The following COPZ2 variants were observed in gnomAD, a reference collection of about 807,000 sequenced individuals.
The protein encoded by COPZ2 is coat protein complex I subunit zeta 2.
In COPZ2, 30 loss-of-function variants were observed where a neutral mutation model predicts 33.2. That is an observed-to-expected ratio of 0.90 (90% CI 0.68 to 1.23). The LOEUF is 1.23. Among genes scored for constraint, COPZ2 ranks in the 50% most tolerant of loss-of-function variants. COPZ2 has a pLI of 0.00. For missense variants in COPZ2, 263 were observed against 262.4 expected (o/e 1.00, Z -0.02); for synonymous variants, 89 against 102.6 (o/e 0.87, Z 0.80).
chr17:48,039,584 C>T (rs979442650), upstream of COPZ2, among the ~76,000 whole-genome samples: 3 of 152,122 alleles, frequency 2.0e-5, no homozygotes, highest in Non-Finnish European at 2.9e-5. Context: ...TGGTCTTGAA[C>T]GCCTAGGCTC....
chr17:48,047,509 G>A, the COPZ2 span: 13 of 152,144 alleles, frequency 8.5e-5, no homozygotes, highest in African/African-American at 3.1e-4. Context: ...TGGGACTGGA[G>A]AAATTAAAAA....
the COPZ2 span, among the ~76,000 whole-genome samples, chr17:48,044,867 A>G: frequency 6.6e-6 from 1 of 152,242 alleles, no homozygotes; most frequent in Non-Finnish European, 1.5e-5. Flanking sequence ...ATCTCAGGCA[A>G]TCATCTATCT....
chr17:48,041,808 A>ATT (rs34673033), upstream of COPZ2, among the ~76,000 whole-genome samples: 33 of 141,974 alleles, frequency 2.3e-4, no homozygotes, highest in African/African-American at 7.7e-4. Context: ...GAGCTAGTCC[A>ATT]TTTTTTTTTT....
At chr17:48,041,974 T>C (rs1471637204), upstream of COPZ2, among the ~76,000 whole-genome samples, 1 of 151,482 alleles carries the variant, frequency 6.6e-6, no homozygotes, top group African/African-American at 2.4e-5. Context: ...GCTGGCTCCA[T>C]AGGGGAGGTG....
At position 48,037,001 on chromosome 17, in the gene COPZ2, C is replaced by A; in HGVS notation, c.112-76G>T. The A allele has an allele frequency of 7.7e-7, 1 of 1,292,986 alleles. No homozygotes were observed. Among genetic ancestry groups the A allele is most frequent in the South Asian group, 1.2e-5 (1 of 83,496 alleles). The allele number at this position is 1,292,986 out of a possible 1,614,324, so 80.1% of individuals were successfully genotyped here. Reference sequence around the variant, plus strand: ...CCTGTGTCTATGGGATCTGCTGGCCCTAGGATACATCCTCAGGCCCCAGCA... The same window carrying A: ...CCTGTGTCTATGGGATCTGCTGGCCATAGGATACATCCTCAGGCCCCAGCA... On this transcript the variant is annotated intron_variant, in intron 1 of 8. Coordinates refer to ENST00000621465, the MANE Select transcript of COPZ2 (RefSeq NM_016429.4). This position sits in a 1 kb window ranked among gnomAD's most constrained non-coding sequence, Gnocchi z 5.6.
At chr17:48,045,366 C>G in the COPZ2 span, 1 of 152,236 alleles carries the variant, frequency 6.6e-6, no homozygotes, top group Admixed American at 6.5e-5. Flanking sequence ...AATCAGAGCC[C>G]CAGCCAGCCT....
chr17:48,034,339 C>G (rs1431346032), intron 2 of COPZ2, among the ~76,000 whole-genome samples: 1 of 152,180 alleles, frequency 6.6e-6, no homozygotes, highest in African/African-American at 2.4e-5. Context: ...CTCCCGACCT[C>G]AGGTGATCTG....
intron 6 of COPZ2, 29 bp from the exon 7 acceptor site, chr17:48,029,205 C>T (rs1280304482): frequency 1.3e-6 from 2 of 1,557,454 alleles, no homozygotes; most frequent in South Asian, 2.4e-5. Flanking sequence ...AACCAGGAGG[C>T]AAATCAGTGG....
intron 8 of COPZ2, among the ~76,000 whole-genome samples, 176 bp from the exon 9 acceptor site, chr17:48,026,651 C>T (rs1205539071): frequency 6.6e-6 from 1 of 152,226 alleles, no homozygotes; most frequent in Non-Finnish European, 1.5e-5. Flanking sequence ...AGTCAGAAAG[C>T]GCAGACCAAA....
At chr17:48,040,987 T>C (rs1464846877), upstream of COPZ2, among the ~76,000 whole-genome samples, 1 of 151,512 alleles carries the variant, frequency 6.6e-6, no homozygotes, top group East Asian at 2.0e-4. Context: ...CTGATTCTAC[T>C]AAAAACACAC....
the COPZ2 span, among the ~76,000 whole-genome samples, chr17:48,044,401 T>C: frequency 2.2e-5 from 3 of 136,512 alleles, no homozygotes; most frequent in Admixed American, 1.5e-4. Context: ...CACAATCTTT[T>C]GCTTTTTTTT....
chr17:48,033,787 G>A (rs1052840429), intron 3 of COPZ2, 76 bp downstream of exon 3: 2 of 1,161,948 alleles, frequency 1.7e-6, no homozygotes, highest in African/African-American at 3.0e-5. Context: ...CAAGGCTGAT[G>A]GGGACAGATG....
chr17:48,029,196 A>C lies in COPZ2; in HGVS notation c.495-20T>G. On this transcript the variant is annotated intron_variant, in intron 6 of 8. Coordinates refer to ENST00000621465, the MANE Select transcript of COPZ2 (RefSeq NM_016429.4). ...ATCACACTACAAGATGAGAGGAAAA[A>C]CCAGGAGGCAAATCAGTGGCACAAT... is the stretch of plus-strand genomic sequence containing the variant. 6.4e-7 allele frequency: 1 copy of C among 1,563,080 alleles called. No homozygotes were observed. Among genetic ancestry groups the C allele is most frequent in the Non-Finnish European group, 8.7e-7 (1 of 1,153,816 alleles).
At chr17:48,035,589 GTTTTGTTTTGTT>G (rs1057182320) in intron 2 of COPZ2, among the ~76,000 whole-genome samples, 2 of 151,730 alleles carry the variant, frequency 1.3e-5, no homozygotes, top group African/African-American at 4.8e-5. Flanking sequence ...TTTTGTTTTT[GTTTTGTTTTGTT>G]TTTTGTAGAG....
chr17:48,043,588 A>G, the COPZ2 span: 2 of 984,802 alleles, frequency 2.0e-6, no homozygotes, highest in African/African-American at 3.5e-5. Context: ...CATTCTAAGG[A>G]CAGCTCTCAT....
chr17:48,037,602 CT>C lies in COPZ2; in HGVS notation c.111+64del, dbSNP rs2037009254. 3 of 1,058,042 alleles carry C rather than the reference CT, an allele frequency of 2.8e-6. No homozygotes were observed. The highest frequency in any genetic ancestry group is 2.3e-6 in the Non-Finnish European group (2 of 874,314). The allele number at this position is 1,058,042 out of a possible 1,614,324, so 65.5% of individuals were successfully genotyped here. ...GCGAGTTCTGAGTTGGCTGCTCCCC[CT>C]AACCCTGCTCTGTCCCTGCCCAGCT... On this transcript the variant is annotated intron_variant, in intron 1 of 8. Coordinates refer to ENST00000621465, the MANE Select transcript of COPZ2 (RefSeq NM_016429.4). This position sits in a 1 kb window ranked among gnomAD's most constrained non-coding sequence, Gnocchi z 5.6.
intron 6 of COPZ2, 64 bp downstream of exon 6, chr17:48,032,092 A>G: frequency 7.3e-7 from 1 of 1,366,074 alleles, no homozygotes; most frequent in Non-Finnish European, 1.0e-6. Context: ...GCTGGGTGCC[A>G]TCTGGGGCTG....
At position 48,033,947 on chromosome 17, in the gene COPZ2, AT is replaced by A; in HGVS notation, c.187-4del. ...GAGGGGAATGTGTCATCATAATACTATGAGAAAGGGAAGGAGAAAGGACCAT... is the reference window on the plus strand; with the variant it reads ...GAGGGGAATGTGTCATCATAATACTAGAGAAAGGGAAGGAGAAAGGACCAT... On this transcript the variant is annotated splice_region_variant and splice_polypyrimidine_tract_variant and intron_variant, in intron 2 of 8. Transcript: ENST00000621465. 1 of 1,598,384 alleles carries A rather than the reference AT, an allele frequency of 6.3e-7. No homozygotes were observed. Among genetic ancestry groups the A allele is most frequent in the Non-Finnish European group, 8.6e-7 (1 of 1,168,710 alleles).
At chr17:48,042,780 CTTAGT>C (rs2037074516), upstream of COPZ2, among the ~76,000 whole-genome samples, 2 of 152,274 alleles carry the variant, frequency 1.3e-5, no homozygotes, top group South Asian at 4.1e-4. Context: ...CTCTTTACAT[CTTAGT>C]TTAGTGGTGA....
Sources: gnomAD v4.1 joint callset for allele counts (sites outside exome capture counted in the v4.1 genomes callset) on GRCh38, gnomAD v4.1.1 for gene constraint, Gnocchi (gnomAD v3.1) non-coding constraint, MANE v1.5 for transcripts, NCBI Gene and HGNC (gene_info 2026-07-23, HGNC 2026-07-21) for gene names.